The following CA10 variants were observed in gnomAD, a reference collection of about 807,000 sequenced individuals.
CA10 encodes the protein carbonic anhydrase-related protein 10.
CA10 carries 14 observed loss-of-function variants against 44.2 expected under a neutral mutation model. The observed-to-expected ratio is 0.32, with a 90% CI of 0.21 to 0.50. The LOEUF (loss-of-function observed/expected upper bound fraction) is 0.50, where lower values mean the gene tolerates loss of function less well. CA10 is among the 20% of genes least tolerant of loss of function. The pLI is 0.99. For missense variants in CA10, 350 were observed against 409.7 expected, an observed-to-expected ratio of 0.85 and a Z score of 1.26; for synonymous variants, 159 against 141.6, an observed-to-expected ratio of 1.12 and a Z score of -0.87.
chr17:51,786,357 G>A (rs1034567699), intron 3 of CA10, among the ~76,000 whole-genome samples: 3 of 152,076 alleles, frequency 2.0e-5, no homozygotes, highest in Non-Finnish European at 2.9e-5. Context: ...TTCAAGGCCA[G>A]CCTAGGCAAC....
intron 3 of CA10, among the ~76,000 whole-genome samples, chr17:51,750,816 A>G (rs1904866413): frequency 6.6e-6 from 1 of 152,254 alleles, no homozygotes; most frequent in Non-Finnish European, 1.5e-5. Flanking sequence ...CCATTGGGCA[A>G]GTATCTTGGG....
chr17:51,635,718 G>T, intron 7 of CA10, 137 bp downstream of exon 7: 1 of 569,938 alleles, frequency 1.8e-6, no homozygotes, highest in Non-Finnish European at 2.9e-6. Context: ...ATAAGTTTGT[G>T]TTAGTTTAAA....
intron 2 of CA10, among the ~76,000 whole-genome samples, chr17:51,989,718 C>A (rs1984974127): frequency 6.6e-6 from 1 of 152,064 alleles, no homozygotes; most frequent in South Asian, 2.1e-4. Context: ...CTGTTTCTAA[C>A]AAGCACTCAA....
At chr17:51,748,209 T>C (rs1246053625) in intron 3 of CA10, among the ~76,000 whole-genome samples, 2 of 152,186 alleles carry the variant, frequency 1.3e-5, no homozygotes, top group African/African-American at 2.4e-5. Context: ...AGGGGTGAGA[T>C]ATTAAGAAGG....
At position 51,981,046 on chromosome 17, in the gene CA10, A is replaced by G. The variant is rs141499168; in HGVS notation, c.137-49914T>C. On this transcript the variant is annotated intron_variant, in intron 2 of 8. Coordinates refer to ENST00000451037, the MANE Select transcript of CA10 (RefSeq NM_020178.5). ...TGACACCAAATGCTGGTGAGGTGAA[A>G]CAACTCCAATACCCATACATTGCTG... Among the ~76,000 whole-genome samples, 182 of 152,260 alleles carry G rather than the reference A, an allele frequency of 1.2e-3. 5 individuals are homozygous for G. In the South Asian group the frequency reaches 0.022, roughly 18 times the overall value.
chr17:52,094,299 C>A (rs923376916), intron 1 of CA10, among the ~76,000 whole-genome samples: 14 of 143,984 alleles, frequency 9.7e-5, no homozygotes, highest in Non-Finnish European at 1.8e-4. Flanking sequence ...TTAAAAAAAA[C>A]CTAAATAAAT....
intron 4 of CA10, among the ~76,000 whole-genome samples, chr17:51,687,914 C>T (rs1203301603): frequency 6.6e-6 from 1 of 152,166 alleles, no homozygotes; most frequent in African/African-American, 2.4e-5. Context: ...GATATTCATG[C>T]TCCTGTGTGG....
rs1461243153 is a variant in CA10, at chr17:51,649,308, A to G, written c.562-54T>C. On this transcript the variant is annotated intron_variant, in intron 5 of 8. Transcript: ENST00000451037. ...TGGGCATCACTCTTGCAGGACAAAC[A>G]TCTCCCCGTGACATTCACTTATTCA... The G allele has an allele frequency of 1.1e-5, 14 of 1,262,918 alleles. No homozygotes were observed. The South Asian group carries it at 1.2e-4, about 11-fold the overall frequency. The allele number at this position is 1,262,918 out of a possible 1,614,324, so 78.2% of individuals were successfully genotyped here.
intron 3 of CA10, among the ~76,000 whole-genome samples, chr17:51,918,982 C>T (rs983912396): frequency 3.3e-5 from 5 of 152,108 alleles, no homozygotes; most frequent in African/African-American, 1.2e-4. Context: ...CTGGGAGCTG[C>T]TCAGATGTTC....
At chr17:52,090,671 TTTAAG>T (rs1350593257) in intron 1 of CA10, among the ~76,000 whole-genome samples, 1 of 152,178 alleles carries the variant, frequency 6.6e-6, no homozygotes. Context: ...ATACAGCATC[TTTAAG>T]TTAATGTAGG....
intron 1 of CA10, among the ~76,000 whole-genome samples, chr17:52,099,854 G>A (rs184153799): frequency 3.9e-5 from 6 of 152,262 alleles, no homozygotes; most frequent in Non-Finnish European, 2.9e-5. Context: ...AAGGAGGCAG[G>A]GCCTGACTAT....
intron 4 of CA10, among the ~76,000 whole-genome samples, chr17:51,677,453 G>GC (rs1055597733): frequency 1.7e-4 from 26 of 151,938 alleles, no homozygotes; most frequent in South Asian, 6.2e-4. Flanking sequence ...GTTTCCTGAG[G>GC]CCCCCCCAGA....
chr17:51,641,026 T>A (rs145202073), intron 6 of CA10, among the ~76,000 whole-genome samples: 1 of 151,974 alleles, frequency 6.6e-6, no homozygotes, highest in Non-Finnish European at 1.5e-5. Flanking sequence ...TGTTCATGCA[T>A]GTCTCTGCTT....
intron 1 of CA10, chr17:52,134,753 G>A (rs954484819): frequency 4.7e-6 from 2 of 427,784 alleles, no homozygotes; most frequent in Middle Eastern, 4.2e-4. Context: ...AATTCTCTGT[G>A]TGACTCAAAG....
intron 4 of CA10, among the ~76,000 whole-genome samples, chr17:51,701,373 A>T (rs1488665520): frequency 2.6e-5 from 4 of 152,196 alleles, no homozygotes; most frequent in African/African-American, 9.7e-5. Context: ...GATTAAGTAC[A>T]TCTGCAAAGA....
At chr17:51,797,765 T>A (rs2143710062) in intron 3 of CA10, among the ~76,000 whole-genome samples, 1 of 142,712 alleles carries the variant, frequency 7.0e-6, no homozygotes, top group African/African-American at 2.6e-5. Flanking sequence ...GCAGGAGAAT[T>A]ACTTGAACCT....
chr17:52,012,247 C>T (rs1279323068), intron 2 of CA10, among the ~76,000 whole-genome samples: 1 of 151,956 alleles, frequency 6.6e-6, no homozygotes, highest in Non-Finnish European at 1.5e-5. Context: ...CTTACAACAA[C>T]CTTAGTTCAG....
intron 1 of CA10, among the ~76,000 whole-genome samples, chr17:52,148,073 T>C (rs1989627130): frequency 6.6e-6 from 1 of 152,076 alleles, no homozygotes; most frequent in Non-Finnish European, 1.5e-5. Context: ...ACAATTCTGT[T>C]ACAAAAGGCC....
chr17:52,139,246 T>C (rs1417958275), intron 1 of CA10, among the ~76,000 whole-genome samples: 1 of 152,200 alleles, frequency 6.6e-6, no homozygotes, highest in African/African-American at 2.4e-5. Context: ...CTGGTCAGCA[T>C]GGATGCACCC....
Sources: allele counts gnomAD v4.1 joint callset (sites outside exome capture counted in the v4.1 genomes callset), GRCh38; gene constraint gnomAD v4.1.1; transcripts MANE v1.5; gene names NCBI Gene and HGNC (gene_info 2026-07-23, HGNC 2026-07-21).